Variants in EP400 observed in about 807,000 individuals in gnomAD.
EP400 encodes E1A-binding protein p400.
A neutral mutation model predicts 354.1 loss-of-function variants in EP400; 105 were observed. The observed-to-expected ratio is 0.30, with a 90% CI of 0.25 to 0.35. The LOEUF (loss-of-function observed/expected upper bound fraction) is 0.35. Among genes scored for constraint, EP400 ranks in the 10% least tolerant of loss-of-function variants. The pLI is 1.00. For missense variants in EP400, 3,280 were observed against 4,121.0 expected (o/e 0.80, Z 5.59); for synonymous variants, 1,646 against 1,716.9 (o/e 0.96, Z 1.02).
chr12:132,035,723 TG>T (rs1894674075), intron 30 of EP400, among the ~76,000 whole-genome samples: 1 of 145,606 alleles, frequency 6.9e-6, no homozygotes, highest in Non-Finnish European at 1.5e-5. Context: ...TGGAACGCTG[TG>T]GAAGCGCACA....
intron 39 of EP400, 112 bp downstream of exon 39, chr12:132,046,012 T>C (rs1679197202): frequency 8.0e-6 from 11 of 1,368,650 alleles, no homozygotes; most frequent in Non-Finnish European, 1.1e-5. Flanking sequence ...TTCATCCCTG[T>C]GGGTCTGCGG....
In EP400 at chr12:132,067,854, G is replaced by T. The variant is rs558852241; in HGVS notation, c.8874+368G>T. 6.6e-6 allele frequency among the ~76,000 whole-genome samples: 1 copy of T among 152,122 alleles called. No individual in the cohort carries two copies. Among genetic ancestry groups the T allele is most frequent in the South Asian group, 2.1e-4 (1 of 4,828 alleles). ...AGACGCAGCTCACACCACAGGACCC[G>T]CCTGGACTCCTGCTGGAGGACAGGG... On this transcript the variant is annotated intron_variant, in intron 50 of 52. Transcript: ENST00000389561. This position sits in a 1 kb window ranked among gnomAD's most constrained non-coding sequence, Gnocchi z 5.3.
intron 47 of EP400, 83 bp from the exon 48 acceptor site, chr12:132,064,585 A>G (rs1235654620): frequency 1.2e-5 from 19 of 1,534,974 alleles, no homozygotes; most frequent in Non-Finnish European, 1.7e-5. Context: ...TGGGCAGTAG[A>G]GGGGTGGCTT....
At chr12:131,976,167 T>C (rs945930439) in intron 2 of EP400, among the ~76,000 whole-genome samples, 2 of 152,250 alleles carry the variant, frequency 1.3e-5, no homozygotes, top group Non-Finnish European at 2.9e-5. Context: ...TTTTTCTTTA[T>C]GACCTTGGGC....
At chr12:132,047,116 A>G (rs1429582046) in intron 39 of EP400, among the ~76,000 whole-genome samples, 3 of 152,232 alleles carry the variant, frequency 2.0e-5, no homozygotes, top group Non-Finnish European at 2.9e-5. Flanking sequence ...TTATTTCTGT[A>G]CCCACTCTTT....
intron 39 of EP400, among the ~76,000 whole-genome samples, chr12:132,049,971 C>T (rs1437535884): frequency 2.0e-5 from 3 of 152,170 alleles, no homozygotes; most frequent in Non-Finnish European, 2.9e-5. Flanking sequence ...TTGGTGTTAG[C>T]GGGTGAAGGC....
chr12:132,013,125 G>A lies in EP400; in HGVS notation c.3558G>A (p.Gln1186=), dbSNP rs761725022. Residue 1186 remains glutamine (Q), a synonymous_variant, in exon 17 of 53, where the codon CAG becomes CAA. Transcript: ENST00000389561. The surrounding 1 kb of genome is among the most constrained non-coding windows in gnomAD (Gnocchi z 4.5). ...AGTGCCTGGTCATTGATGAGATGCA[G>A]CGCGTGAAGGGCATGACCGAGAGGC... is the stretch of plus-strand genomic sequence containing the variant. ...RWKCLVIDEM[Q]RVKGMTERHW... The A allele has an allele frequency of 7.4e-6, 12 of 1,614,048 alleles. No individual in the cohort carries two copies. The highest frequency in any genetic ancestry group is 1.0e-5 in the Non-Finnish European group (12 of 1,180,038).
At chr12:132,051,304 C>T (rs1032817458) in intron 41 of EP400, among the ~76,000 whole-genome samples, 4 of 152,110 alleles carry the variant, frequency 2.6e-5, no homozygotes, top group Non-Finnish European at 5.9e-5. Flanking sequence ...GGGTTTCTCC[C>T]CGTGTGCGGA....
chr12:132,037,909 A>G, intron 31 of EP400, 44 bp from the exon 32 acceptor site: 1 of 1,613,808 alleles, frequency 6.2e-7, no homozygotes, highest in Non-Finnish European at 8.5e-7. Flanking sequence ...TCAGATGCAC[A>G]CTTGGACCTT....
At position 132,067,889 on chromosome 12, in the gene EP400, A is replaced by T. The variant is rs1895945093; in HGVS notation, c.8874+403A>T. 6.6e-6 allele frequency among the ~76,000 whole-genome samples: 1 copy of T among 152,162 alleles called. No individual in the cohort carries two copies. On this transcript the variant is annotated intron_variant, in intron 50 of 52. Coordinates refer to ENST00000389561, the MANE Select transcript of EP400 (RefSeq NM_015409.5). The surrounding 1 kb of genome is among the most constrained non-coding windows in gnomAD (Gnocchi z 5.3). The stretch of plus-strand genomic sequence containing the variant: ...CTGCTGGAGGACAGGGATGCCGTAC[A>T]GTCTGGACCCCAGACAGGGAATGTG...
intron 7 of EP400, 39 bp from the exon 8 acceptor site, chr12:131,989,925 T>C (rs1442662090): frequency 6.3e-7 from 1 of 1,598,630 alleles, no homozygotes; most frequent in Non-Finnish European, 8.5e-7. Flanking sequence ...CAGCATGACA[T>C]AGAGTACAAC....
At position 132,044,970 on chromosome 12, in the gene EP400, C is replaced by T. The variant is rs1895036514; in HGVS notation, c.6784+17C>T. 5.0e-6 allele frequency: 8 copies of T among 1,612,564 alleles called. No individual in the cohort carries two copies. Among genetic ancestry groups the T allele is most frequent in the Non-Finnish European group, 5.9e-6 (7 of 1,179,562 alleles). On this transcript the variant is annotated intron_variant, in intron 37 of 52. Coordinates refer to ENST00000389561, the MANE Select transcript of EP400 (RefSeq NM_015409.5). ...ACCCCTCAGGTGCGCATCCCGAGGG[C>T]GTCACATGACCTGGGGGGGCCCTGG...
chr12:132,069,440 G>C (rs1274275471), intron 50 of EP400, 55 bp from the exon 51 acceptor site: 1 of 1,589,716 alleles, frequency 6.3e-7, no homozygotes, highest in Non-Finnish European at 8.6e-7. Flanking sequence ...AGGCGTCCCG[G>C]GAGTCTTGAG....
In EP400 at chr12:131,982,128, G is replaced by A. The variant is rs772430038; in HGVS notation, c.1579G>A (p.Ala527Thr). 35 of 1,569,564 alleles carry A rather than the reference G, an allele frequency of 2.2e-5. No individual in the cohort carries two copies. Among genetic ancestry groups the A allele is most frequent in the Admixed American group, 3.6e-5 (2 of 55,386 alleles). ...CCCCACGCCGCAGGCCGCGCAGCTC[G>A]CTGGACAGAGGCAGAGTCAGCAGCA... ...MPPTPQAAQL[A>T]GQRQSQQQYD... The change falls in exon 5 of 53, where the codon GCT (alanine) becomes ACT (threonine). Residue 527 changes from alanine (A) to threonine (T), a missense_variant. By Grantham distance (58) the Ala-to-Thr change is moderately conservative. This residue lies in a region of EP400 where 800 missense variants were observed against 840.0 expected (regional missense o/e 0.95). Coordinates refer to ENST00000389561, the MANE Select transcript of EP400 (RefSeq NM_015409.5).
chr12:132,069,349 A>G, intron 50 of EP400, 146 bp from the exon 51 acceptor site: 2 of 1,122,868 alleles, frequency 1.8e-6, no homozygotes, highest in Non-Finnish European at 2.5e-6. Flanking sequence ...GACAGGGGGC[A>G]GGAGATGTGG....
chr12:131,965,302 A>G (rs1034521604), intron 2 of EP400, among the ~76,000 whole-genome samples: 2 of 152,186 alleles, frequency 1.3e-5, no homozygotes, highest in East Asian at 3.8e-4. Context: ...CTTTGAGACT[A>G]TGTAAATATC....
At chr12:131,987,598 G>A (rs1892894580) in intron 6 of EP400, 107 bp from the exon 7 acceptor site, 1 of 903,186 alleles carries the variant, frequency 1.1e-6, no homozygotes, top group Admixed American at 3.1e-5. Context: ...CTTTCTTAGT[G>A]CCTGACTGAG....
chr12:132,066,949 G>A lies in EP400; in HGVS notation c.8729G>A (p.Gly2910Asp). 6.2e-7 allele frequency: 1 copy of A among 1,601,918 alleles called. No homozygotes were observed. The highest frequency in any genetic ancestry group is 8.5e-7 in the Non-Finnish European group (1 of 1,173,910). The change falls in exon 49 of 53, where the codon GGT becomes GAT. Residue 2910 changes from glycine (G) to aspartate (D), a missense_variant. Gly to Asp is a moderately conservative substitution (Grantham distance 94, BLOSUM62 -1). Around this residue, in one of 20 missense-constraint regions of EP400, gnomAD observed 279 missense variants for 386.7 expected, o/e 0.72. Transcript: ENST00000389561. ...GTCGCGGGGATCAGCGTGGCGATCGGTCAGCCACAGAAGGCAGCAGGTGCC... is the reference window on the plus strand; with the variant it reads ...GTCGCGGGGATCAGCGTGGCGATCGATCAGCCACAGAAGGCAGCAGGTGCC... ...MNVAGISVAIGQPQKAAGQTV... is the reference protein window; with the variant it reads ...MNVAGISVAIDQPQKAAGQTV...
chr12:132,064,853 C>T lies in EP400; in HGVS notation c.8520C>T (p.Gly2840=), dbSNP rs199519097. ...TAPRPGALLT[G]TTVANLQVAR... ...CAAGGCCTGGTGCCCTGCTGACGGG[C>T]ACCACCGTGGCCAACCTCCAGGTGG... Residue 2840 remains glycine, a synonymous_variant, in exon 48 of 53, where the codon GGC becomes GGT. Coordinates refer to ENST00000389561, the MANE Select transcript of EP400 (RefSeq NM_015409.5). The T allele has an allele frequency of 2.8e-5, 45 of 1,610,946 alleles. No homozygotes were observed. Among genetic ancestry groups the T allele is most frequent in the Middle Eastern group, 1.7e-4 (1 of 5,798 alleles).
Sources: gnomAD v4.1 joint callset for allele counts (sites outside exome capture counted in the v4.1 genomes callset) on GRCh38, gnomAD v4.1.1 for gene constraint, gnomAD v4.1.1 regional missense constraint, Gnocchi (gnomAD v3.1) non-coding constraint, MANE v1.5 for transcripts, NCBI Gene and HGNC (gene_info 2026-07-23, HGNC 2026-07-21) for gene names.